Variants in RNF6 observed in about 807,000 individuals in gnomAD.
RNF6 encodes E3 ubiquitin-protein ligase RNF6.
A neutral mutation model predicts 50.1 loss-of-function variants in RNF6; 21 were observed. The ratio of observed to expected loss-of-function variants is 0.42; its 90% CI spans 0.30 to 0.60. The LOEUF is 0.60. Ranked by LOEUF, RNF6 falls within the 20% of genes least tolerant of loss-of-function variation. The pLI is 0.20. For missense variants in RNF6, 698 were observed against 838.2 expected (o/e 0.83, Z 2.07); for synonymous variants, 255 against 291.8 (o/e 0.87, Z 1.29).
chr13:26,179,264 C>CT (rs1211380799), intron 5 of RNF6, among the ~76,000 whole-genome samples: 2 of 152,192 alleles, frequency 1.3e-5, no homozygotes, highest in Non-Finnish European at 2.9e-5. Flanking sequence ...ACGAGACAGA[C>CT]ACTCGCATAA....
chr13:26,137,595 A>T (rs192752), intron 5 of RNF6, among the ~76,000 whole-genome samples: 99,979 of 150,066 alleles, frequency 0.67, 34,219 homozygotes, highest in East Asian at 0.83. Flanking sequence ...GTTGAAAGAA[A>T]TAATATATAA....
chr13:26,214,647 C>CT lies in RNF6; in HGVS notation c.1234dup (p.Arg412LysfsTer5). The CT allele has an allele frequency of 6.2e-7, 1 of 1,614,226 alleles. No homozygotes were observed. The highest frequency in any genetic ancestry group is 2.2e-5 in the East Asian group (1 of 44,888). On this transcript the variant is annotated frameshift_variant, in exon 5 of 5. Transcript: ENST00000381588. LOFTEE classifies it high-confidence loss of function. ...TCTATTTGCAATACTATCCCGATCT[C>CT]TATTTTCTCCAGGACGGATCCTTCT...
chr13:26,175,571 C>T (rs1872916260), intron 5 of RNF6, among the ~76,000 whole-genome samples: 1 of 152,182 alleles, frequency 6.6e-6, no homozygotes, highest in South Asian at 2.1e-4. Context: ...CTTTGGCGTC[C>T]TGGTTACCAT....
intron 5 of RNF6, among the ~76,000 whole-genome samples, chr13:26,191,168 A>G (rs1159532770): frequency 3.3e-5 from 5 of 150,862 alleles, no homozygotes; most frequent in South Asian, 2.1e-4. Context: ...CGATTGTTCA[A>G]TACACAATGT....
At chr13:26,198,763 T>C (rs1868778252) in intron 5 of RNF6, among the ~76,000 whole-genome samples, 1 of 151,986 alleles carries the variant, frequency 6.6e-6, no homozygotes, top group African/African-American at 2.4e-5. Context: ...TTAAAAGCTA[T>C]TAAATAAGTA....
At chr13:26,182,738 A>G (rs1042422064) in intron 5 of RNF6, among the ~76,000 whole-genome samples, 1 of 152,192 alleles carries the variant, frequency 6.6e-6, no homozygotes. Flanking sequence ...CTGGGAGATC[A>G]AGGCCACAAT....
chr13:26,215,684 A>G, intron 4 of RNF6, 92 bp from the exon 5 acceptor site: 1 of 1,113,836 alleles, frequency 9.0e-7, no homozygotes, highest in Non-Finnish European at 1.2e-6. Context: ...AGTTTGTAAT[A>G]AATTAAAGAA....
intron 5 of RNF6, among the ~76,000 whole-genome samples, chr13:26,146,491 C>T (rs1239487093): frequency 3.3e-5 from 5 of 152,164 alleles, no homozygotes. Flanking sequence ...TTTAAGGATG[C>T]CAGAGCTACT....
chr13:26,134,213 C>T (rs965997831), intron 5 of RNF6, among the ~76,000 whole-genome samples: 1 of 152,198 alleles, frequency 6.6e-6, no homozygotes, highest in South Asian at 2.1e-4. Flanking sequence ...TCCACTGACA[C>T]TATGAAAAGA....
intron 5 of RNF6, among the ~76,000 whole-genome samples, chr13:26,204,370 G>A (rs1392278625): frequency 4.6e-5 from 7 of 151,488 alleles, no homozygotes; most frequent in Non-Finnish European, 7.4e-5. Flanking sequence ...GGTGGCGGGC[G>A]CCTGTAATCC....
At chr13:26,192,730 C>T (rs1226816730) in intron 5 of RNF6, among the ~76,000 whole-genome samples, 1 of 152,206 alleles carries the variant, frequency 6.6e-6, no homozygotes, top group East Asian at 1.9e-4. Flanking sequence ...CTCAATCCAA[C>T]AGCCCTCAAG....
intron 5 of RNF6, among the ~76,000 whole-genome samples, chr13:26,132,740 G>A (rs955115791): frequency 5.8e-4 from 89 of 152,180 alleles, no homozygotes; most frequent in Non-Finnish European, 2.1e-4. Flanking sequence ...CACCATGACC[G>A]TATAACATTT....
chr13:26,147,484 C>T (rs1204885467), intron 5 of RNF6, among the ~76,000 whole-genome samples: 1 of 152,170 alleles, frequency 6.6e-6, no homozygotes, highest in Non-Finnish European at 1.5e-5. Context: ...GGAAGAGAGG[C>T]TTATACCACT....
intron 5 of RNF6, among the ~76,000 whole-genome samples, chr13:26,173,780 G>A (rs190064971): frequency 2.6e-5 from 4 of 151,474 alleles, no homozygotes; most frequent in East Asian, 1.9e-4. Context: ...GTGAAACCCC[G>A]GCTCTACTAA....
At chr13:26,156,045 T>A (rs1254527787) in intron 5 of RNF6, among the ~76,000 whole-genome samples, 1 of 152,126 alleles carries the variant, frequency 6.6e-6, no homozygotes, top group Non-Finnish European at 1.5e-5. Flanking sequence ...CAAATATACA[T>A]TATATATAGT....
At chr13:26,135,887 C>A (rs1192011502) in intron 5 of RNF6, among the ~76,000 whole-genome samples, 1 of 152,132 alleles carries the variant, frequency 6.6e-6, no homozygotes, top group Non-Finnish European at 1.5e-5. Flanking sequence ...TCCTCCCTCG[C>A]TCTCTTGCTT....
chr13:26,169,536 A>G (rs528153080), intron 5 of RNF6, among the ~76,000 whole-genome samples: 1 of 152,312 alleles, frequency 6.6e-6, no homozygotes, highest in Admixed American at 6.5e-5. Flanking sequence ...AATTTACTTT[A>G]GAAAACTTGT....
rs1859851687 is a variant in RNF6 at position 26,158,566 on chromosome 13, T to C, written n.769-26115A>G. 1.3e-5 allele frequency among the ~76,000 whole-genome samples: 2 copies of C among 152,256 alleles called. 1 individual carries two copies. The highest frequency in any genetic ancestry group is 4.1e-4 in the South Asian group (2 of 4,834). ...TAAGAAAAGTATGATAATTATTCAA[T>C]TGACTATCATATAGTCACTGAAAAT... On this transcript the variant is annotated intron_variant and non_coding_transcript_variant, in intron 5 of 5. Transcript: ENST00000468480.
chr13:26,171,919 A>G (rs1428480290), intron 5 of RNF6, among the ~76,000 whole-genome samples: 1 of 152,218 alleles, frequency 6.6e-6, no homozygotes, highest in African/African-American at 2.4e-5. Flanking sequence ...GGTAAAGAAG[A>G]GTTACTGTTT....
Sources: allele counts gnomAD v4.1 joint callset (sites outside exome capture counted in the v4.1 genomes callset), GRCh38; gene constraint gnomAD v4.1.1; transcripts MANE v1.5; gene names NCBI Gene and HGNC (gene_info 2026-07-23, HGNC 2026-07-21).